SDHC: variants seen among roughly 807,000 people sequenced by gnomAD.
SDHC encodes succinate dehydrogenase complex subunit C.
A neutral mutation model predicts 22.6 loss-of-function variants in SDHC; 11 were observed. The observed-to-expected ratio is 0.49, with a 90% CI of 0.31 to 0.81. The LOEUF is 0.81. SDHC is among the 30% of genes least tolerant of loss of function. SDHC has a pLI of 0.05. For missense variants in SDHC, 160 were observed against 212.0 expected (o/e 0.75, Z 1.52); for synonymous variants, 80 against 77.8 (o/e 1.03, Z -0.15).
At position 161,326,549 on chromosome 1, in the gene SDHC, CTTTTT is replaced by C. The variant is rs917417840; in HGVS notation, c.78-1840_78-1836del. 6.7e-4 allele frequency: 49 copies of C among 73,352 alleles called. No homozygotes were observed. In the East Asian group the frequency reaches 0.016, roughly 23 times the overall value. The allele number at this position is 73,352 out of a possible 1,614,324, so 4.5% of individuals were successfully genotyped here. A position where few individuals can be genotyped will look rare whatever the true frequency, so the allele number is the denominator to read the frequency against. On this transcript the variant is annotated intron_variant, in intron 2 of 5. Transcript: ENST00000367975. The stretch of plus-strand genomic sequence containing the variant: ...CTTTTTTTCTTCTCTCTTTCTCTCT[CTTTTT>C]TTTTTTAAATATATATATATATATA...
At chr1:161,319,025 C>G (rs1438409547) in intron 1 of SDHC, among the ~76,000 whole-genome samples, 1 of 151,812 alleles carries the variant, frequency 6.6e-6, no homozygotes, top group East Asian at 1.9e-4. Context: ...GCCTGGGTGA[C>G]AAGAGCAAAA....
chr1:161,328,897 A>G (rs774615563), intron 3 of SDHC, among the ~76,000 whole-genome samples: 3 of 152,136 alleles, frequency 2.0e-5, no homozygotes, highest in Non-Finnish European at 4.4e-5. Context: ...TAGAAGTTGC[A>G]ACTTTGCAAA....
At chr1:161,341,649 A>T (rs944835299) in intron 4 of SDHC, among the ~76,000 whole-genome samples, 1 of 152,204 alleles carries the variant, frequency 6.6e-6, no homozygotes, top group Non-Finnish European at 1.5e-5. Flanking sequence ...TCTCACAAGA[A>T]TGTGCATGTA....
At position 161,346,327 on chromosome 1, in the gene SDHC, GATAAT is replaced by G. The variant is rs148304286; in HGVS notation, c.241+5676_241+5680del. On this transcript the variant is annotated intron_variant, in intron 4 of 5. Transcript: ENST00000367975. ...TGTTACACATTAGAAATTAGATAGG[GATAAT>G]ATATAGTCTCTACTCTCAAGGATAG... Among the ~76,000 whole-genome samples, 159 of 151,956 alleles carry G rather than the reference GATAAT, an allele frequency of 1.0e-3. 2 individuals carry two copies. In the East Asian group the frequency reaches 0.028, roughly 27 times the overall value.
chr1:161,348,532 T>C (rs1671984734), intron 4 of SDHC, among the ~76,000 whole-genome samples: 1 of 151,142 alleles, frequency 6.6e-6, no homozygotes, highest in East Asian at 2.0e-4. Flanking sequence ...AAGATTAAAA[T>C]ACTCAGGGCT....
rs753561812 is a variant in SDHC, at chr1:161,340,619, A to G, written c.205A>G (p.Ile69Val). Residue 69 changes from isoleucine to valine, a missense_variant, in exon 4 of 6, where the codon ATC becomes GTC. Physicochemically the swap from Ile to Val is conservative, Grantham distance 29 (BLOSUM62 3). Around this residue, in one of 2 missense-constraint regions of SDHC, gnomAD observed 74 missense variants for 128.6 expected, o/e 0.58. Coordinates refer to ENST00000367975, the MANE Select transcript of SDHC (RefSeq NM_003001.5). ...TTGGTCTCTTCCCATGGCGATGTCCATCTGCCACCGTGGCACTGGTATTGC... is the reference window on the plus strand; with the variant it reads ...TTGGTCTCTTCCCATGGCGATGTCCGTCTGCCACCGTGGCACTGGTATTGC... ...YSWSLPMAMS[I>V]CHRGTGIALS... is the part of the protein sequence containing the mutation. The G allele has an allele frequency of 4.3e-6, 7 of 1,613,968 alleles. No individual in the cohort carries two copies. The highest frequency in any genetic ancestry group is 1.6e-4 in the Middle Eastern group (1 of 6,062).
chr1:161,357,808 T>C (rs1194271630), intron 5 of SDHC, among the ~76,000 whole-genome samples: 1 of 152,202 alleles, frequency 6.6e-6, no homozygotes, highest in Non-Finnish European at 1.5e-5. Context: ...GGTACTGTTG[T>C]AGACACTGGG....
At chr1:161,325,981 C>T (rs912214378) in intron 2 of SDHC, among the ~76,000 whole-genome samples, 10 of 152,046 alleles carry the variant, frequency 6.6e-5, no homozygotes, top group East Asian at 1.9e-4. Flanking sequence ...AGGCAGATCA[C>T]GAGGCCAAGA....
chr1:161,358,369 A>G (rs1216276889), intron 5 of SDHC, among the ~76,000 whole-genome samples: 2 of 151,504 alleles, frequency 1.3e-5, no homozygotes, highest in African/African-American at 4.9e-5. Flanking sequence ...TTGGCTTCCC[A>G]AAGTGCTGGG....
intron 4 of SDHC, among the ~76,000 whole-genome samples, chr1:161,349,645 CTG>C (rs1461682159): frequency 6.6e-6 from 1 of 152,098 alleles, no homozygotes; most frequent in Non-Finnish European, 1.5e-5. Context: ...TTGAAAATGA[CTG>C]TGTTTTTCTT....
chr1:161,318,572 G>A (rs1571835929), intron 1 of SDHC, among the ~76,000 whole-genome samples: 1 of 152,312 alleles, frequency 6.6e-6, no homozygotes, highest in East Asian at 1.9e-4. Context: ...TATCTGGCCA[G>A]TACTCATTGT....
At chr1:161,339,826 A>T (rs1049023921) in intron 3 of SDHC, among the ~76,000 whole-genome samples, 33 of 151,800 alleles carry the variant, frequency 2.2e-4, no homozygotes, top group Non-Finnish European at 4.0e-4. Flanking sequence ...GATTACAGGC[A>T]TGTGCCACCA....
At chr1:161,354,648 T>A (rs1031382100) in intron 4 of SDHC, among the ~76,000 whole-genome samples, 5 of 148,408 alleles carry the variant, frequency 3.4e-5, no homozygotes, top group Middle Eastern at 6.9e-3. Flanking sequence ...ATTTTACAGA[T>A]GATGTCTTAT....
intron 1 of SDHC, among the ~76,000 whole-genome samples, chr1:161,319,424 G>A (rs1285725801): frequency 6.6e-6 from 1 of 151,260 alleles, no homozygotes; most frequent in African/African-American, 2.4e-5. Context: ...TGCTATCCAG[G>A]AATTGGTTGT....
intron 1 of SDHC, 70 bp downstream of exon 1, chr1:161,314,495 G>A (rs2102272332): frequency 1.3e-6 from 2 of 1,563,736 alleles, no homozygotes; most frequent in Non-Finnish European, 1.8e-6. Context: ...CTCACGTTTT[G>A]CTGATAACTG....
chr1:161,356,192 GAGA>G (rs1407977385), intron 4 of SDHC, among the ~76,000 whole-genome samples: 1 of 152,068 alleles, frequency 6.6e-6, no homozygotes, highest in African/African-American at 2.4e-5. Context: ...AGTTTATGAT[GAGA>G]TCCCAAGTAG....
intron 3 of SDHC, among the ~76,000 whole-genome samples, chr1:161,336,677 A>G (rs1671497862): frequency 6.6e-6 from 1 of 152,144 alleles, no homozygotes; most frequent in African/African-American, 2.4e-5. Flanking sequence ...ACGGGGCTAT[A>G]TCCAGAGTGG....
At chr1:161,359,827 G>A (rs188162094) in intron 5 of SDHC, among the ~76,000 whole-genome samples, 1 of 152,266 alleles carries the variant, frequency 6.6e-6, no homozygotes, top group Non-Finnish European at 1.5e-5. Flanking sequence ...ATGGGGGAGT[G>A]AGGAGTGAAA....
intron 3 of SDHC, among the ~76,000 whole-genome samples, chr1:161,334,362 A>T (rs1010765804): frequency 6.6e-6 from 1 of 151,070 alleles, no homozygotes; most frequent in African/African-American, 2.4e-5. Context: ...GCTGTTAAGG[A>T]CCTTTATGAT....
Sources: allele counts gnomAD v4.1 joint callset (sites outside exome capture counted in the v4.1 genomes callset), GRCh38; gene constraint gnomAD v4.1.1; regional missense constraint gnomAD v4.1.1; transcripts MANE v1.5; gene names NCBI Gene and HGNC (gene_info 2026-07-23, HGNC 2026-07-21).